The following GATAD2A variants were observed in gnomAD, a reference collection of about 807,000 sequenced individuals.
GATAD2A encodes the protein transcriptional repressor p66-alpha.
GATAD2A carries 12 observed loss-of-function variants against 68.5 expected under a neutral mutation model. The ratio of observed to expected loss-of-function variants is 0.18; its 90% CI spans 0.11 to 0.28. The LOEUF is 0.28. Among genes scored for constraint, GATAD2A ranks in the 10% least tolerant of loss-of-function variants. The pLI, the probability that GATAD2A is intolerant of heterozygous loss-of-function variation, is 1.00. For synonymous variants in GATAD2A, 410 were observed against 375.3 expected (o/e 1.09, Z -1.07); for missense variants, 755 against 868.5 (o/e 0.87, Z 1.64).
intron 2 of GATAD2A, among the ~76,000 whole-genome samples, chr19:19,479,058 G>C (rs1200012450): frequency 3.3e-5 from 5 of 152,192 alleles, no homozygotes; most frequent in Non-Finnish European, 7.3e-5. Context: ...AGGTTGGAGA[G>C]TGGAGGAGCG....
At chr19:19,504,271 T>G (rs1195188035) in intron 11 of GATAD2A, among the ~76,000 whole-genome samples, 1 of 152,188 alleles carries the variant, frequency 6.6e-6, no homozygotes, top group Non-Finnish European at 1.5e-5. Flanking sequence ...GTGGGGGCAT[T>G]TATTTATTTT....
At chr19:19,425,795 C>CT (rs368042391) in intron 1 of GATAD2A, among the ~76,000 whole-genome samples, 2,121 of 143,308 alleles carry the variant, frequency 0.015, 22 homozygotes, top group African/African-American at 0.031. Flanking sequence ...CTTTTCTTTT[C>CT]TTTTTTTTTT....
intron 2 of GATAD2A, among the ~76,000 whole-genome samples, chr19:19,467,602 T>G (rs1163310627): frequency 6.6e-6 from 1 of 152,238 alleles, no homozygotes; most frequent in Non-Finnish European, 1.5e-5. Context: ...CCATTTTCAT[T>G]GCTGTATAGT....
At position 19,507,757 on chromosome 19, in the gene GATAD2A, T is replaced by C. The variant is rs1355173237; in HGVS notation, c.*2283T>C. Reference sequence around the variant, plus strand: ...ACGTACATACTGTGATGTAAACTTTTTTTTTTTCCCCCCAGGGGGCAAAAG... The same window carrying C: ...ACGTACATACTGTGATGTAAACTTTCTTTTTTTCCCCCCAGGGGGCAAAAG... On this transcript the variant is annotated 3_prime_UTR_variant, in exon 12 of 12. Transcript: ENST00000683918. 2 of 147,776 alleles carry C rather than the reference T, an allele frequency of 1.4e-5. No homozygotes were observed. Among genetic ancestry groups the C allele is most frequent in the African/African-American group, 2.7e-5 (1 of 37,398 alleles). 9.2% of individuals were successfully genotyped at this position (147,776 alleles called of 1,614,324 possible).
At position 19,474,835 on chromosome 19, in the gene GATAD2A, CTTG is replaced by C. The variant is rs151187323; in HGVS notation, c.269+9227_269+9229del. On this transcript the variant is annotated intron_variant, in intron 2 of 11. Coordinates refer to ENST00000683918, the MANE Select transcript of GATAD2A (RefSeq NM_001384528.1). ...GTGGCAGTCCAGCATACCGTCTTCA[CTTG>C]TTGTTCTCAGTCTTTATAGTTTTAG... is the stretch of plus-strand genomic sequence containing the variant. Among the ~76,000 whole-genome samples the C allele has an allele frequency of 1.8e-3, 277 of 152,336 alleles. 2 individuals carry two copies. Among genetic ancestry groups the C allele is most frequent in the African/African-American group, 6.1e-3 (255 of 41,576 alleles).
rs148895439 is a variant in GATAD2A, at chr19:19,456,403, T to C, written c.-6-8937T>C. On this transcript the variant is annotated intron_variant, in intron 1 of 11. Coordinates refer to ENST00000683918, the MANE Select transcript of GATAD2A (RefSeq NM_001384528.1). ...CCCATGCTCACGGCAAGCAGTAAGTTTTCCCCGAGGTGAGGGTCAGACTTG... is the reference window on the plus strand; with the variant it reads ...CCCATGCTCACGGCAAGCAGTAAGTCTTCCCCGAGGTGAGGGTCAGACTTG... Among the ~76,000 whole-genome samples, 800 of 152,224 alleles carry C rather than the reference T, an allele frequency of 5.3e-3. 5 individuals are homozygous for C. The highest frequency in any genetic ancestry group is 0.041 in the South Asian group (198 of 4,816).
chr19:19,473,127 C>G (rs995207268), intron 2 of GATAD2A, among the ~76,000 whole-genome samples: 1 of 152,140 alleles, frequency 6.6e-6, no homozygotes, highest in Non-Finnish European at 1.5e-5. Flanking sequence ...AAGTTGTCCC[C>G]GTTAGTGGTG....
intron 1 of GATAD2A, among the ~76,000 whole-genome samples, chr19:19,451,108 C>T (rs1401964278): frequency 1.3e-5 from 2 of 151,824 alleles, no homozygotes; most frequent in Admixed American, 6.6e-5. Context: ...GGCGTGGTGG[C>T]TTACTCCTGT....
chr19:19,484,518 C>CTTTTTTTTTTTT (rs58628123), intron 2 of GATAD2A, among the ~76,000 whole-genome samples: 1 of 114,466 alleles, frequency 8.7e-6, no homozygotes, highest in Non-Finnish European at 1.8e-5. Flanking sequence ...TTTTCTTTTT[C>CTTTTTTTTTTTT]TTTTTTTTTT....
intron 2 of GATAD2A, among the ~76,000 whole-genome samples, chr19:19,489,721 A>T (rs550801763): frequency 1.3e-5 from 2 of 152,376 alleles, no homozygotes; most frequent in East Asian, 1.9e-4. Flanking sequence ...GCCCTCAATA[A>T]GATGATAAGA....
chr19:19,393,000 A>G lies in GATAD2A; in HGVS notation c.-7+6862A>G, dbSNP rs182629549. On this transcript the variant is annotated intron_variant, in intron 1 of 11. Transcript: ENST00000360315. ...GTGAGCCACCGTGCCTGGCCAGTTT[A>G]TTCTTTTAAATTGGCTTATAAGGGG... is the stretch of plus-strand genomic sequence containing the variant. Among the ~76,000 whole-genome samples, 61 of 152,112 alleles carry G rather than the reference A, an allele frequency of 4.0e-4. No homozygotes were observed. The East Asian group carries it at 7.6e-3, about 19-fold the overall frequency.
chr19:19,407,585 C>T (rs1470737858), intron 1 of GATAD2A, among the ~76,000 whole-genome samples: 1 of 152,218 alleles, frequency 6.6e-6, no homozygotes, highest in Non-Finnish European at 1.5e-5. Flanking sequence ...GTGAGCATTT[C>T]CCTGGCGCTT....
At chr19:19,387,668 T>A (rs1396256793) in intron 1 of GATAD2A, among the ~76,000 whole-genome samples, 1 of 152,152 alleles carries the variant, frequency 6.6e-6, no homozygotes, top group Non-Finnish European at 1.5e-5. Context: ...CCCCCACTTC[T>A]TTGAAATGCC....
chr19:19,498,034 C>T (rs1012604718), intron 7 of GATAD2A, among the ~76,000 whole-genome samples: 1 of 152,178 alleles, frequency 6.6e-6, no homozygotes, highest in Non-Finnish European at 1.5e-5. Context: ...CGGTGAGCAC[C>T]CTCTTACCCT....
intron 1 of GATAD2A, among the ~76,000 whole-genome samples, chr19:19,387,679 C>T (rs966621223): frequency 6.6e-5 from 10 of 152,150 alleles, no homozygotes; most frequent in African/African-American, 2.4e-4. Flanking sequence ...TTGAAATGCC[C>T]ATCTGACTGG....
intron 2 of GATAD2A, among the ~76,000 whole-genome samples, chr19:19,475,216 C>A (rs1447979860): frequency 6.6e-6 from 1 of 152,230 alleles, no homozygotes; most frequent in Non-Finnish European, 1.5e-5. Context: ...GGACGATGGA[C>A]TAATGTGGCA....
At chr19:19,414,995 T>G (rs1346674574) in intron 1 of GATAD2A, among the ~76,000 whole-genome samples, 1 of 151,278 alleles carries the variant, frequency 6.6e-6, no homozygotes. Context: ...GTGGCTCAGG[T>G]AACCTTAGCT....
At chr19:19,480,783 C>T (rs1255614347) in intron 2 of GATAD2A, among the ~76,000 whole-genome samples, 1 of 152,234 alleles carries the variant, frequency 6.6e-6, no homozygotes, top group African/African-American at 2.4e-5. Context: ...CCATTCTGCA[C>T]TGAGCAACTG....
chr19:19,492,478 G>A (rs774194647), intron 3 of GATAD2A, 40 bp downstream of exon 3: 1 of 1,613,418 alleles, frequency 6.2e-7, no homozygotes. Context: ...GCCCCACTGT[G>A]CCCTTCCTAC....
Sources: allele counts gnomAD v4.1 joint callset (sites outside exome capture counted in the v4.1 genomes callset), GRCh38; gene constraint gnomAD v4.1.1; transcripts MANE v1.5; gene names NCBI Gene and HGNC (gene_info 2026-07-23, HGNC 2026-07-21).